PTPRN2: variants seen among roughly 807,000 people sequenced by gnomAD.
The protein encoded by PTPRN2 is protein tyrosine phosphatase receptor type N2.
In PTPRN2, 74 loss-of-function variants were observed where a neutral mutation model predicts 118.8. The observed-to-expected ratio is 0.62, with a 90% CI of 0.52 to 0.76. The LOEUF is 0.76. Ranked by LOEUF, PTPRN2 falls within the 30% of genes least tolerant of loss-of-function variation. The pLI is 0.00. For synonymous variants in PTPRN2, 641 were observed against 608.0 expected (o/e 1.05, Z -0.80); for missense variants, 1,481 against 1,394.4 (o/e 1.06, Z -0.99).
chr7:157,567,711 C>T (rs540874950), intron 21 of PTPRN2, among the ~76,000 whole-genome samples: 172 of 152,126 alleles, frequency 1.1e-3, no homozygotes, highest in African/African-American at 4.0e-3. Context: ...AACACATATA[C>T]GTGTGTGTGT....
intron 1 of PTPRN2, among the ~76,000 whole-genome samples, chr7:158,557,350 G>A (rs1231460072): frequency 7.1e-6 from 1 of 141,626 alleles, no homozygotes; most frequent in Non-Finnish European, 1.5e-5. Context: ...CAGGTCAGAC[G>A]GCTCCCACGC....
chr7:158,432,922 C>T (rs1816325642), intron 2 of PTPRN2, among the ~76,000 whole-genome samples: 1 of 152,224 alleles, frequency 6.6e-6, no homozygotes, highest in South Asian at 2.1e-4. Context: ...AGAACAAACA[C>T]TCCCACCCAG....
intron 11 of PTPRN2, among the ~76,000 whole-genome samples, chr7:158,063,177 A>C (rs1175983299): frequency 1.3e-5 from 2 of 152,210 alleles, no homozygotes; most frequent in Non-Finnish European, 2.9e-5. Flanking sequence ...TACAACATTT[A>C]GTGCTCTGTA....
At chr7:158,063,106 G>A (rs915686011) in intron 11 of PTPRN2, among the ~76,000 whole-genome samples, 15 of 152,206 alleles carry the variant, frequency 9.9e-5, no homozygotes, top group African/African-American at 3.6e-4. Context: ...AGCACTCTGT[G>A]TCTAGCTAAG....
intron 12 of PTPRN2, among the ~76,000 whole-genome samples, chr7:157,689,027 A>C (rs1253726965): frequency 1.3e-5 from 2 of 152,096 alleles, no homozygotes; most frequent in Non-Finnish European, 2.9e-5. Flanking sequence ...GCGAGGGAGG[A>C]CCAAGGTCCC....
intron 13 of PTPRN2, among the ~76,000 whole-genome samples, chr7:157,672,911 C>T (rs935738796): frequency 2.0e-5 from 3 of 152,302 alleles, no homozygotes; most frequent in Non-Finnish European, 4.4e-5. Context: ...TACCTGGAGG[C>T]GCACACTAGC....
Position 157,571,466 on chromosome 7 carries a change from A to G in PTPRN2, c.2811T>C (p.Arg937=), listed in dbSNP as rs1025036564. 1.5e-5 allele frequency: 24 copies of G among 1,610,968 alleles called. No individual in the cohort carries two copies. The highest frequency in any genetic ancestry group is 3.4e-5 in the Admixed American group (2 of 59,588). The change falls in exon 20 of 23, where the codon CGT becomes CGC. Residue 937 remains arginine, a synonymous_variant. Coordinates refer to ENST00000389418, the MANE Select transcript of PTPRN2 (RefSeq NM_002847.5). ...TGCAATGAACAATTATTGGACAAGA[A>G]CGGCCCCTGTAGCACTTGTTTACTT... ...RRKVNKCYRG[R]SCPIIVHCSD...
intron 4 of PTPRN2, among the ~76,000 whole-genome samples, chr7:158,193,209 G>A (rs573401207): frequency 3.3e-5 from 5 of 152,316 alleles, no homozygotes; most frequent in Non-Finnish European, 7.4e-5. Context: ...GGCAGGGGTA[G>A]GGCCAGCGAG....
At chr7:157,802,292 G>A (rs550638514) in intron 12 of PTPRN2, among the ~76,000 whole-genome samples, 5 of 152,304 alleles carry the variant, frequency 3.3e-5, no homozygotes, top group East Asian at 1.9e-4. Context: ...TCTTCGGTGC[G>A]TTCAATTGTC....
chr7:157,888,356 C>T (rs866623228), intron 12 of PTPRN2, among the ~76,000 whole-genome samples: 1 of 152,148 alleles, frequency 6.6e-6, no homozygotes, highest in Non-Finnish European at 1.5e-5. Context: ...GATCCACTGT[C>T]CAGAGCCTCA....
At position 158,152,430 on chromosome 7, in the gene PTPRN2, C is replaced by T. The variant is rs916536223; in HGVS notation, c.911-13915G>A. ...AAGGCCGTGGGCAGAAGCTGCCTGGCGTGTTGGGTTGGAAGAACAGACAGG... is the reference window on the plus strand; with the variant it reads ...AAGGCCGTGGGCAGAAGCTGCCTGGTGTGTTGGGTTGGAAGAACAGACAGG... On this transcript the variant is annotated intron_variant, in intron 6 of 22. Transcript: ENST00000389418. Among the ~76,000 whole-genome samples, 7 of 152,158 alleles carry T rather than the reference C, an allele frequency of 4.6e-5. No homozygotes were observed. In the East Asian group the frequency reaches 5.8e-4, roughly 13 times the overall value.
At chr7:158,155,535 CT>C (rs1821658335) in intron 6 of PTPRN2, among the ~76,000 whole-genome samples, 7 of 25,758 alleles carry the variant, frequency 2.7e-4, no homozygotes, top group East Asian at 4.7e-3. Flanking sequence ...ACCATCAGCA[CT>C]ATCATCACCA....
At chr7:157,732,105 G>A (rs1328385681) in intron 12 of PTPRN2, among the ~76,000 whole-genome samples, 2 of 63,842 alleles carry the variant, frequency 3.1e-5, no homozygotes, top group African/African-American at 7.1e-5. Flanking sequence ...CCCGTCCCAC[G>A]CGCCCAGCAC....
At chr7:158,154,819 A>T (rs10264213) in intron 6 of PTPRN2, among the ~76,000 whole-genome samples, 3,881 of 152,184 alleles carry the variant, frequency 0.026, 139 homozygotes, top group African/African-American at 0.08. Context: ...CAGTTAATGC[A>T]TACTAGGGAT....
intron 1 of PTPRN2, among the ~76,000 whole-genome samples, chr7:158,506,318 T>C (rs1264771397): frequency 6.6e-6 from 1 of 152,120 alleles, no homozygotes. Flanking sequence ...ATGAAGAACA[T>C]GGCCAAGGCT....
chr7:158,150,267 A>T (rs1388286036), intron 6 of PTPRN2, among the ~76,000 whole-genome samples: 2 of 152,244 alleles, frequency 1.3e-5, no homozygotes, highest in African/African-American at 4.8e-5. Context: ...ATTTTTAAAC[A>T]AGTTGAATCC....
intron 11 of PTPRN2, among the ~76,000 whole-genome samples, chr7:157,959,320 CACTA>C (rs1198718956): frequency 6.6e-6 from 1 of 152,172 alleles, no homozygotes; most frequent in Non-Finnish European, 1.5e-5. Flanking sequence ...CTCAGTATGA[CACTA>C]AAGGCACAGG....
intron 12 of PTPRN2, among the ~76,000 whole-genome samples, chr7:157,835,581 T>C (rs1028064773): frequency 1.3e-5 from 2 of 151,970 alleles, no homozygotes; most frequent in African/African-American, 4.8e-5. Context: ...GAATGACTAG[T>C]AGGAAGAACA....
intron 1 of PTPRN2, among the ~76,000 whole-genome samples, chr7:158,564,891 G>A (rs1359364540): frequency 6.6e-6 from 1 of 152,212 alleles, no homozygotes; most frequent in Non-Finnish European, 1.5e-5. Context: ...AGAAATGTGT[G>A]CAAATCTAAG....
Sources: allele counts gnomAD v4.1 joint callset (sites outside exome capture counted in the v4.1 genomes callset), GRCh38; gene constraint gnomAD v4.1.1; transcripts MANE v1.5; gene names NCBI Gene and HGNC (gene_info 2026-07-23, HGNC 2026-07-21).